The following SERPINF1 variants were observed in gnomAD, a reference collection of about 807,000 sequenced individuals.
SERPINF1 encodes the protein pigment epithelium-derived factor.
SERPINF1 carries 29 observed loss-of-function variants against 37.3 expected under a neutral mutation model. The observed-to-expected ratio is 0.78, with a 90% CI of 0.58 to 1.06. The LOEUF (loss-of-function observed/expected upper bound fraction) is 1.06, where lower values mean the gene tolerates loss of function less well. SERPINF1 is among the 50% of genes least tolerant of loss of function. The pLI is 0.00. For missense variants in SERPINF1, 553 were observed against 532.2 expected (o/e 1.04, Z -0.38); for synonymous variants, 281 against 227.9 (o/e 1.23, Z -2.10).
intron 2 of SERPINF1, among the ~76,000 whole-genome samples, chr17:1,767,495 A>T (rs1380999238): frequency 2.6e-5 from 4 of 152,182 alleles, no homozygotes; most frequent in Admixed American, 2.6e-4. Flanking sequence ...TGAGCAGGTC[A>T]TGTTCCCGGA....
intron 6 of SERPINF1, 87 bp downstream of exon 6, chr17:1,775,287 G>A: frequency 7.2e-7 from 1 of 1,381,032 alleles, no homozygotes. Context: ...AATGACCTTT[G>A]AGATCCGACA....
intron 5 of SERPINF1, among the ~76,000 whole-genome samples, chr17:1,774,303 C>G (rs1265419128): frequency 6.6e-6 from 1 of 152,178 alleles, no homozygotes; most frequent in Non-Finnish European, 1.5e-5. Context: ...TCAAGTGATT[C>G]TCCTGTCTCT....
At chr17:1,773,466 G>C (rs1597353869) in intron 5 of SERPINF1, among the ~76,000 whole-genome samples, 1 of 151,684 alleles carries the variant, frequency 6.6e-6, no homozygotes, top group African/African-American at 2.4e-5. Flanking sequence ...GGCTGTTCTC[G>C]AAAACTCCTG....
rs12103559 is a variant in SERPINF1 at position 1,772,084 on chromosome 17, G to C, written c.643+9G>C. ...TGTGGCGCACTTCAAGGGTGAGCGC[G>C]TCTCCAATTCTTTTTCATTTATTTT... is the stretch of plus-strand genomic sequence containing the variant. On this transcript the variant is annotated intron_variant, in intron 5 of 7. Transcript: ENST00000254722. The C allele has an allele frequency of 4.3e-6, 7 of 1,610,892 alleles. No individual in the cohort carries two copies. The highest frequency in any genetic ancestry group is 5.9e-6 in the Non-Finnish European group (7 of 1,179,088).
rs147257649 is a variant in SERPINF1 at position 1,770,046 on chromosome 17, G to T, written c.279G>T (p.Ser93=). The part of the protein sequence containing the change: ...LSVATALSAL[S]LGAEQRTESI... ...TGGCCACGGCCCTCTCGGCCCTCTC[G>T]CTGGGTGAGTGCTCAGATGCAGGAA... Residue 93 remains serine, a synonymous_variant, in exon 3 of 8, where the codon TCG becomes TCT. Coordinates refer to ENST00000254722, the MANE Select transcript of SERPINF1 (RefSeq NM_002615.7). The T allele has an allele frequency of 2.1e-4, 334 of 1,614,078 alleles. 1 individual carries two copies. The African/African-American group carries it at 4.1e-3, about 20-fold the overall frequency.
At position 1,773,855 on chromosome 17, in the gene SERPINF1, G is replaced by A. The variant is rs1233753780; in HGVS notation, c.644-1203G>A. Among the ~76,000 whole-genome samples the A allele has an allele frequency of 2.6e-5, 4 of 152,010 alleles. No individual in the cohort carries two copies. In the East Asian group the frequency reaches 7.7e-4, roughly 29 times the overall value. Reference sequence around the variant, plus strand: ...GTGGCCTGGGGTAGGGGGAGGGGTTGGGCAAACTCTCCCTTAAAACGCTTT... The same window carrying A: ...GTGGCCTGGGGTAGGGGGAGGGGTTAGGCAAACTCTCCCTTAAAACGCTTT... On this transcript the variant is annotated intron_variant, in intron 5 of 7. Transcript: ENST00000254722.
Position 1,771,194 on chromosome 17 carries a change from C to T in SERPINF1, c.439+10C>T, listed in dbSNP as rs1470074591. 5 of 1,612,950 alleles carry T rather than the reference C, an allele frequency of 3.1e-6. No individual in the cohort carries two copies. In the African/African-American group the frequency reaches 5.3e-5, roughly 17 times the overall value. ...ATCGTCTTTGAGAAGAGTGAGTCGCCTTTGCAGCCCAAGTTGCCTGAGGCA... is the reference window on the plus strand; with the variant it reads ...ATCGTCTTTGAGAAGAGTGAGTCGCTTTTGCAGCCCAAGTTGCCTGAGGCA... On this transcript the variant is annotated intron_variant, in intron 4 of 7. Transcript: ENST00000254722.
intron 4 of SERPINF1, among the ~76,000 whole-genome samples, chr17:1,771,477 T>A (rs1051388074): frequency 4.0e-5 from 6 of 151,866 alleles, no homozygotes; most frequent in African/African-American, 7.3e-5. Flanking sequence ...TGACCTGGTG[T>A]TCTGCCCGCC....
chr17:1,766,992 G>A lies in SERPINF1; in HGVS notation c.82G>A (p.Glu28Lys), dbSNP rs1431743336. ...CCAGAACCCTGCCAGCCCCCCGGAGGAGGTCAGTAGGCAGGCGGGGAGGGC... is the reference window on the plus strand; with the variant it reads ...CCAGAACCCTGCCAGCCCCCCGGAGAAGGTCAGTAGGCAGGCGGGGAGGGC... ...SCQNPASPPE[E>K]GSPDPDSTGA... Residue 28 changes from glutamate (E) to lysine (K), a missense_variant and splice_region_variant, in exon 2 of 8, where the codon GAG becomes AAG. Coordinates refer to ENST00000254722, the MANE Select transcript of SERPINF1 (RefSeq NM_002615.7). 1.3e-6 allele frequency: 2 copies of A among 1,552,952 alleles called. No homozygotes were observed. The highest frequency in any genetic ancestry group is 2.4e-5 in the East Asian group (1 of 41,228).
At chr17:1,769,009 G>A (rs1907557553) in intron 2 of SERPINF1, among the ~76,000 whole-genome samples, 2 of 150,964 alleles carry the variant, frequency 1.3e-5, no homozygotes, top group South Asian at 4.2e-4. Flanking sequence ...GTTTCACCGT[G>A]TTGCCCAGGA....
At chr17:1,777,137 G>A in intron 7 of SERPINF1, 50 bp from the exon 8 acceptor site, 2 of 1,613,546 alleles carry the variant, frequency 1.2e-6, no homozygotes, top group Non-Finnish European at 1.7e-6. Flanking sequence ...CCTTGGTTGG[G>A]GTGTTGGGGA....
chr17:1,771,513 C>T (rs1567755125), intron 4 of SERPINF1, among the ~76,000 whole-genome samples: 2 of 152,226 alleles, frequency 1.3e-5, no homozygotes, highest in East Asian at 3.9e-4. Context: ...GCTGGGATTA[C>T]AGGTGTGAGC....
At chr17:1,771,695 C>T (rs1342854720) in intron 4 of SERPINF1, 177 bp from the exon 5 acceptor site, 22 of 672,232 alleles carry the variant, frequency 3.3e-5, no homozygotes, top group Non-Finnish European at 5.4e-5. Flanking sequence ...AAATCTGCTG[C>T]CCCCCTGGCC....
rs138537488 is a variant in SERPINF1 at position 1,772,394 on chromosome 17, G to A, written c.643+319G>A. 1.3e-3 allele frequency among the ~76,000 whole-genome samples: 191 copies of A among 152,102 alleles called. 1 individual carries two copies. The East Asian group carries it at 0.034, about 27-fold the overall frequency. The stretch of plus-strand genomic sequence containing the variant: ...GCCTCCCAAAGTGCTAGGATTACAA[G>A]CTTGAGCCACCACGCCCAGCCCTTT... On this transcript the variant is annotated intron_variant, in intron 5 of 7. Transcript: ENST00000254722.
chr17:1,773,685 G>C (rs139323387), intron 5 of SERPINF1, among the ~76,000 whole-genome samples: 84 of 152,220 alleles, frequency 5.5e-4, no homozygotes, highest in African/African-American at 2.0e-3. Context: ...TTTTTATGTT[G>C]TCTCCAAGTT....
Position 1,766,759 on chromosome 17 carries a change from G to A in SERPINF1, c.-8-144G>A, listed in dbSNP as rs1907402526. On this transcript the variant is annotated intron_variant, in intron 1 of 7. Coordinates refer to ENST00000254722, the MANE Select transcript of SERPINF1 (RefSeq NM_002615.7). ...GGGTCCACTTCTGGGGGCCTGGAGG[G>A]GTGAGGGGTGGTCGCTGCAGGGGGT... 140 of 717,160 alleles carry A rather than the reference G, an allele frequency of 2.0e-4. 3 individuals are homozygous for A. The South Asian group carries it at 2.3e-3, about 12-fold the overall frequency. The allele number at this position is 717,160 out of a possible 1,614,324, so 44.4% of individuals were successfully genotyped here. A position where few individuals can be genotyped will look rare whatever the true frequency, so the allele number is the denominator to read the frequency against.
At chr17:1,767,647 G>A (rs1255645153) in intron 2 of SERPINF1, among the ~76,000 whole-genome samples, 2 of 152,212 alleles carry the variant, frequency 1.3e-5, no homozygotes, top group African/African-American at 2.4e-5. Context: ...GTGTTATGGG[G>A]TGAGTGTTGG....
intron 7 of SERPINF1, 31 bp downstream of exon 7, chr17:1,776,773 G>C (rs1908060657): frequency 6.2e-7 from 1 of 1,603,358 alleles, no homozygotes; most frequent in African/African-American, 1.3e-5. Context: ...GCTCTTGGTG[G>C]GTGGATGGGG....
chr17:1,776,935 C>G (rs976177952), intron 7 of SERPINF1, among the ~76,000 whole-genome samples, 193 bp downstream of exon 7: 5 of 151,274 alleles, frequency 3.3e-5, no homozygotes, highest in African/African-American at 1.2e-4. Context: ...CTCAGCCTCA[C>G]GAGCAGACCT....
Sources: allele counts gnomAD v4.1 joint callset (sites outside exome capture counted in the v4.1 genomes callset), GRCh38; gene constraint gnomAD v4.1.1; transcripts MANE v1.5; gene names NCBI Gene and HGNC (gene_info 2026-07-23, HGNC 2026-07-21).